The following ZNF577 variants were observed in gnomAD, a reference collection of about 807,000 sequenced individuals.
ZNF577 encodes zinc finger protein 577.
Under a neutral mutation model 13.9 loss-of-function variants are expected in ZNF577, and 14 were observed. The ratio of observed to expected loss-of-function variants is 1.00; its 90% confidence interval spans 0.66 to 1.57. The LOEUF (loss-of-function observed/expected upper bound fraction) is 1.57, where lower values mean the gene tolerates loss of function less well. Among genes scored for constraint, ZNF577 ranks in the 40% most tolerant of loss-of-function variants. ZNF577 has a pLI of 0.00. For synonymous variants in ZNF577, 203 were observed against 202.9 expected (o/e 1.00, Z 0.00); for missense variants, 555 against 579.2 (o/e 0.96, Z 0.43).
chr19:51,858,877 G>A (rs973117527), intron 5 of ZNF577, among the ~76,000 whole-genome samples: 1 of 152,116 alleles, frequency 6.6e-6, no homozygotes, highest in African/African-American at 2.4e-5. Flanking sequence ...ATTTTAGAGT[G>A]TACAATTCAG....
At chr19:51,849,808 A>C (rs2084370925) in intron 5 of ZNF577, among the ~76,000 whole-genome samples, 1 of 152,228 alleles carries the variant, frequency 6.6e-6, no homozygotes, top group Non-Finnish European at 1.5e-5. Flanking sequence ...AAATAGTGAA[A>C]AACCCAGATG....
At chr19:51,878,274 C>G in intron 4 of ZNF577, 115 bp downstream of exon 4, 1 of 1,191,860 alleles carries the variant, frequency 8.4e-7, no homozygotes, top group Non-Finnish European at 1.1e-6. Flanking sequence ...TTTACCACCA[C>G]AACAAAAAAT....
chr19:51,857,348 G>A lies in ZNF577; in HGVS notation c.284-12417C>T, dbSNP rs12979323. Among the ~76,000 whole-genome samples the A allele has an allele frequency of 2.7e-3, 161 of 58,564 alleles. 1 individual carries two copies. The highest frequency in any genetic ancestry group is 8.8e-3 in the African/African-American group (96 of 10,898). The allele number at this position is 58,564 out of a possible 152,430, so 38.4% of individuals were successfully genotyped here. A position where few individuals can be genotyped will look rare whatever the true frequency, so the allele number is the denominator to read the frequency against. ...AAAGGAGAAAGGAGAGAAAGAAAGA[G>A]AGAAAGAAAGAAGGAAGGAAAGAAA... On this transcript the variant is annotated intron_variant and NMD_transcript_variant, in intron 5 of 10. Coordinates refer to the ZNF577 transcript ENST00000638827.
intron 10 of ZNF577, among the ~76,000 whole-genome samples, chr19:51,807,883 T>A (rs1262138500): frequency 6.6e-6 from 1 of 152,246 alleles, no homozygotes; most frequent in East Asian, 1.9e-4. Context: ...CTGCCCATAG[T>A]CACAATTTGT....
Position 51,872,923 on chromosome 19 carries a change from C to A in ZNF577, c.1067G>T (p.Cys356Phe), listed in dbSNP as rs377075960. The change falls in exon 6 of 6, where the codon TGC (cysteine) becomes TTC (phenylalanine). Residue 356 changes from cysteine to phenylalanine, a missense_variant. Physicochemically the swap from Cys to Phe is radical, Grantham distance 205. Coordinates refer to ENST00000638348, the MANE Select transcript of ZNF577 (RefSeq NM_001370449.1). ...RTHTGERPYSCRECGKAFAHM... is the reference protein window; with the variant it reads ...RTHTGERPYSFRECGKAFAHM... ...GGCAAAGGCTTTGCCACATTCTCTG[C>A]ATGAATATGGTCTCTCTCCAGTGTG... The A allele has an allele frequency of 6.2e-7, 1 of 1,614,094 alleles. No individual in the cohort carries two copies. The highest frequency in any genetic ancestry group is 8.5e-7 in the Non-Finnish European group (1 of 1,180,046).
intron 9 of ZNF577, among the ~76,000 whole-genome samples, chr19:51,813,158 A>ACACACC (rs982666908): frequency 2.0e-5 from 3 of 149,200 alleles, no homozygotes; most frequent in African/African-American, 7.6e-5. Context: ...ACACACACAC[A>ACACACC]CACCCCATAA....
At chr19:51,808,199 C>G (rs1291225309) in intron 10 of ZNF577, among the ~76,000 whole-genome samples, 2 of 152,196 alleles carry the variant, frequency 1.3e-5, no homozygotes, top group Non-Finnish European at 2.9e-5. Flanking sequence ...CAATACCTAA[C>G]ATCGGTCATG....
intron 10 of ZNF577, among the ~76,000 whole-genome samples, chr19:51,807,362 T>C (rs1385677516): frequency 6.6e-6 from 1 of 152,190 alleles, no homozygotes; most frequent in Non-Finnish European, 1.5e-5. Flanking sequence ...CACAAACCTT[T>C]TGGTGGCAGC....
chr19:51,877,522 G>A (rs1398245317), intron 4 of ZNF577, 145 bp from the exon 5 acceptor site: 7 of 630,824 alleles, frequency 1.1e-5, no homozygotes, highest in Non-Finnish European at 1.4e-5. Flanking sequence ...ACCACTTCGT[G>A]CCAGGGAGGA....
chr19:51,833,368 G>T (rs1459697744), intron 9 of ZNF577, among the ~76,000 whole-genome samples: 1 of 152,096 alleles, frequency 6.6e-6, no homozygotes, highest in Non-Finnish European at 1.5e-5. Context: ...ATTTTCCCTA[G>T]ATTTTTAGTT....
chr19:51,845,383 G>A (rs1228473317), intron 5 of ZNF577, among the ~76,000 whole-genome samples: 1 of 151,958 alleles, frequency 6.6e-6, no homozygotes, highest in Non-Finnish European at 1.5e-5. Context: ...CAGCTACCCG[G>A]GAGGCTGAGG....
In ZNF577 at chr19:51,824,513, C is replaced by T. The variant is rs2084217053; in HGVS notation, c.*600-12839G>A. On this transcript the variant is annotated intron_variant and NMD_transcript_variant, in intron 9 of 10. Transcript: ENST00000638827. This position sits in a 1 kb window ranked among gnomAD's most constrained non-coding sequence, Gnocchi z 4.7. ...TGGCTTCTTTCTTCATCTGTTGGTT[C>T]CCTTATGAACTAATTGGCATTCTAA... is the stretch of plus-strand genomic sequence containing the variant. 1.2e-6 allele frequency: 2 copies of T among 1,613,930 alleles called. No homozygotes were observed. The highest frequency in any genetic ancestry group is 1.7e-6 in the Non-Finnish European group (2 of 1,179,934).
At chr19:51,850,831 C>G (rs1325364004) in intron 5 of ZNF577, among the ~76,000 whole-genome samples, 1 of 152,204 alleles carries the variant, frequency 6.6e-6, no homozygotes, top group Admixed American at 6.5e-5. Flanking sequence ...TAACATGATT[C>G]TATTTGTCAA....
At position 51,824,814 on chromosome 19, in the gene ZNF577, C is replaced by A. The variant is rs528323303; in HGVS notation, c.*600-13140G>T. On this transcript the variant is annotated intron_variant and NMD_transcript_variant, in intron 9 of 10. Coordinates refer to the ZNF577 transcript ENST00000638827. The surrounding 1 kb of genome is among the most constrained non-coding windows in gnomAD (Gnocchi z 4.7). ...GACGGAGTTACAAGCAATGTGAGGT[C>A]GGGGATATTTTTGGGCTCTGTCTCT... 4.4e-6 allele frequency: 7 copies of A among 1,597,844 alleles called. No individual in the cohort carries two copies. The highest frequency in any genetic ancestry group is 1.3e-5 in the African/African-American group (1 of 74,250).
At chr19:51,847,628 C>T (rs898642112) in intron 5 of ZNF577, among the ~76,000 whole-genome samples, 2 of 152,106 alleles carry the variant, frequency 1.3e-5, no homozygotes, top group African/African-American at 4.8e-5. Context: ...TCTCTAGTTT[C>T]TTCCTCAATC....
At chr19:51,879,153 A>G (rs2122703039) in intron 3 of ZNF577, among the ~76,000 whole-genome samples, 1 of 152,060 alleles carries the variant, frequency 6.6e-6, no homozygotes, top group African/African-American at 2.4e-5. Flanking sequence ...GCGACTTGGG[A>G]GGCTAAGGCA....
chr19:51,826,945 C>A (rs2084235171), intron 9 of ZNF577, among the ~76,000 whole-genome samples: 1 of 152,122 alleles, frequency 6.6e-6, no homozygotes, highest in South Asian at 2.1e-4. Context: ...TGAAAAACAT[C>A]TCAAAAGACT....
intron 8 of ZNF577, among the ~76,000 whole-genome samples, chr19:51,841,764 C>T (rs4801900): frequency 0.076 from 11,603 of 152,202 alleles, 662 homozygotes; most frequent in South Asian, 0.22. Flanking sequence ...ACTAAAAATA[C>T]AAAAATTAGC....
At chr19:51,817,978 CTTT>C (rs142320718) in intron 9 of ZNF577, 22 of 148,156 alleles carry the variant, frequency 1.5e-4, no homozygotes, top group African/African-American at 5.5e-4. Flanking sequence ...TTTTTTCAGT[CTTT>C]TTTTTTTCTT....
Sources: gnomAD v4.1 joint callset for allele counts (sites outside exome capture counted in the v4.1 genomes callset) on GRCh38, gnomAD v4.1.1 for gene constraint, Gnocchi (gnomAD v3.1) non-coding constraint, MANE v1.5 for transcripts, NCBI Gene and HGNC (gene_info 2026-07-23, HGNC 2026-07-21) for gene names.